ABCA1: variants seen among roughly 807,000 people sequenced by gnomAD.
ABCA1 encodes phospholipid-transporting ATPase ABCA1.
In ABCA1, 133 loss-of-function variants were observed where a neutral mutation model predicts 262.5. That is an observed-to-expected ratio of 0.51 (90% CI 0.44 to 0.59). ABCA1 has a LOEUF of 0.59. Among genes scored for constraint, ABCA1 ranks in the 20% least tolerant of loss-of-function variants. ABCA1 has a pLI of 0.00. For synonymous variants in ABCA1, 1,022 were observed against 1,043.5 expected (o/e 0.98, Z 0.40); for missense variants, 2,452 against 2,777.5 (o/e 0.88, Z 2.63).
chr9:104,885,600 C>T (rs1839099212), intron 3 of ABCA1, among the ~76,000 whole-genome samples: 1 of 152,162 alleles, frequency 6.6e-6, no homozygotes, highest in Non-Finnish European at 1.5e-5. Flanking sequence ...TCTTGCTCTC[C>T]TCTTTCTTTC....
At chr9:104,894,614 T>C (rs1184045623) in intron 2 of ABCA1, among the ~76,000 whole-genome samples, 4 of 152,210 alleles carry the variant, frequency 2.6e-5, no homozygotes, top group Admixed American at 6.5e-5. Flanking sequence ...TGGTCCAAGA[T>C]TGGCAAATGG....
intron 14 of ABCA1, among the ~76,000 whole-genome samples, chr9:104,829,513 G>A (rs868304403): frequency 2.9e-4 from 44 of 152,222 alleles, no homozygotes; most frequent in African/African-American, 8.7e-4. Flanking sequence ...CTTGCTTATC[G>A]TAACTCTAAT....
intron 30 of ABCA1, among the ~76,000 whole-genome samples, chr9:104,807,236 G>A (rs1830849164): frequency 6.6e-6 from 1 of 152,130 alleles, no homozygotes. Context: ...TCTCAAATGA[G>A]TAGAGAATTG....
In ABCA1 at chr9:104,884,413, G is replaced by C; in HGVS notation, c.302+14C>G. ...ACTGACAAGTTTGGAAAGAAAACCT[G>C]ATCTGATACTTACATGGATTTGTTA... On this transcript the variant is annotated intron_variant, in intron 4 of 49. Coordinates refer to ENST00000374736, the MANE Select transcript of ABCA1 (RefSeq NM_005502.4). The C allele has an allele frequency of 8.1e-6, 13 of 1,614,166 alleles. No homozygotes were observed. The highest frequency in any genetic ancestry group is 1.1e-5 in the Non-Finnish European group (13 of 1,180,012).
At chr9:104,784,746 C>A (rs889909098) in intron 49 of ABCA1, among the ~76,000 whole-genome samples, 8 of 152,182 alleles carry the variant, frequency 5.3e-5, no homozygotes, top group Non-Finnish European at 1.0e-4. Context: ...TGGGTTCGAG[C>A]AATTCTCCTG....
At chr9:104,839,090 G>A (rs796622215) in intron 9 of ABCA1, among the ~76,000 whole-genome samples, 5 of 152,298 alleles carry the variant, frequency 3.3e-5, no homozygotes, top group African/African-American at 1.2e-4. Flanking sequence ...AGGTTCCCCT[G>A]CATCAAGTTT....
At chr9:104,925,361 G>C (rs891303141) in intron 1 of ABCA1, among the ~76,000 whole-genome samples, 3 of 134,478 alleles carry the variant, frequency 2.2e-5, no homozygotes, top group Non-Finnish European at 4.8e-5. Context: ...GGGAAACAGA[G>C]CGAGACTGCA....
At chr9:104,905,422 C>G (rs918685176) in intron 1 of ABCA1, among the ~76,000 whole-genome samples, 8 of 152,154 alleles carry the variant, frequency 5.3e-5, no homozygotes, top group Admixed American at 4.6e-4. Context: ...GAAAAGACAG[C>G]CTACCACTAT....
Position 104,821,386 on chromosome 9 carries a change from CACGTT to C in ABCA1, c.2944_2948del (p.Asn982AlafsTer3). 6.2e-7 allele frequency: 1 copy of C among 1,614,128 alleles called. No individual in the cohort carries two copies. Among genetic ancestry groups the C allele is most frequent in the Non-Finnish European group, 8.5e-7 (1 of 1,180,044 alleles). On this transcript the variant is annotated frameshift_variant, in exon 20 of 50. Coordinates refer to ENST00000374736, the MANE Select transcript of ABCA1 (RefSeq NM_005502.4). LOFTEE classifies it high-confidence loss of function. ...CTGCTGGTACTCACATGTCAAACAG[CACGTT>C]ATGCTGGGGACAGACCCCCAGGTTC... is the stretch of plus-strand genomic sequence containing the variant.
At position 104,814,574 on chromosome 9, in the gene ABCA1, G is replaced by A. The variant is rs199786265; in HGVS notation, c.3739-99C>T. The A allele has an allele frequency of 4.6e-5, 55 of 1,196,580 alleles. No individual in the cohort carries two copies. The East Asian group carries it at 1.1e-3, about 24-fold the overall frequency. The allele number at this position is 1,196,580 out of a possible 1,614,324, so 74.1% of individuals were successfully genotyped here. On this transcript the variant is annotated intron_variant, in intron 25 of 49. Transcript: ENST00000374736. Reference sequence around the variant, plus strand: ...TATTACTGAGTGGCATGTTAGCCCCGTAAGACAGAGAAAGTAGAAGCCACA... The same window carrying A: ...TATTACTGAGTGGCATGTTAGCCCCATAAGACAGAGAAAGTAGAAGCCACA...
chr9:104,896,732 T>A lies in ABCA1; in HGVS notation c.66+6882A>T, dbSNP rs865987360. ...ACATCTTTTTTTTTTTTTTTTTTTT[T>A]TTTTTTTTTTTTTTTTCAGACAGAG... On this transcript the variant is annotated intron_variant, in intron 2 of 49. Coordinates refer to ENST00000374736, the MANE Select transcript of ABCA1 (RefSeq NM_005502.4). Among the ~76,000 whole-genome samples, 1,176 of 125,822 alleles carry A rather than the reference T, an allele frequency of 9.3e-3. 40 individuals are homozygous for A. The highest frequency in any genetic ancestry group is 0.035 in the African/African-American group (1,114 of 32,276). 82.5% of individuals were successfully genotyped at this position (125,822 alleles called of 152,430 possible). A position where few individuals can be genotyped will look rare whatever the true frequency, so the allele number is the denominator to read the frequency against.
chr9:104,831,220 TC>T, intron 13 of ABCA1, 119 bp from the exon 14 acceptor site: 2 of 995,182 alleles, frequency 2.0e-6, no homozygotes, highest in Non-Finnish European at 1.4e-6. Context: ...TATTTTTGTA[TC>T]TTTTTTTTTT....
chr9:104,869,277 C>T (rs1247694447), intron 5 of ABCA1, among the ~76,000 whole-genome samples: 1 of 151,994 alleles, frequency 6.6e-6, no homozygotes, highest in African/African-American at 2.4e-5. Flanking sequence ...ACATCAGCAT[C>T]CCAGGCCCAG....
chr9:104,802,169 C>G lies in ABCA1; in HGVS notation c.4593-10G>C. The G allele has an allele frequency of 1.9e-6, 3 of 1,612,740 alleles. No individual in the cohort carries two copies. Among genetic ancestry groups the G allele is most frequent in the Non-Finnish European group, 1.7e-6 (2 of 1,178,722 alleles). ...GGAAAAGCCGCCATACCTAAAAGAA[C>G]AGCCTGACATTAAAACCCAGACAGT... On this transcript the variant is annotated splice_polypyrimidine_tract_variant and intron_variant, in intron 33 of 49. Transcript: ENST00000374736.
intron 9 of ABCA1, among the ~76,000 whole-genome samples, chr9:104,838,347 C>A (rs1174091125): frequency 1.3e-5 from 2 of 149,038 alleles, no homozygotes; most frequent in Non-Finnish European, 3.0e-5. Flanking sequence ...CAGTGGTTCA[C>A]GCCTGTAATC....
intron 34 of ABCA1, among the ~76,000 whole-genome samples, chr9:104,801,395 T>C (rs1830323545): frequency 1.5e-5 from 2 of 130,848 alleles, no homozygotes; most frequent in African/African-American, 6.7e-5. Flanking sequence ...AATTTTTCTA[T>C]GTTTTTAGCA....
intron 37 of ABCA1, 109 bp from the exon 38 acceptor site, chr9:104,796,533 A>T: frequency 2.5e-6 from 2 of 813,388 alleles, no homozygotes; most frequent in Admixed American, 4.0e-5. Context: ...CATATTGGAG[A>T]GTAACTCTGA....
chr9:104,825,924 G>A, intron 16 of ABCA1, 37 bp from the exon 17 acceptor site: 3 of 1,606,192 alleles, frequency 1.9e-6, no homozygotes, highest in South Asian at 2.2e-5. Flanking sequence ...TCCATTTCCT[G>A]GTCAGTCTCA....
chr9:104,805,462 G>A (rs527258420), intron 31 of ABCA1, among the ~76,000 whole-genome samples: 1 of 152,142 alleles, frequency 6.6e-6, no homozygotes, highest in South Asian at 2.1e-4. Context: ...CTGCAATTTG[G>A]TTGCTGATAA....
Sources: allele counts gnomAD v4.1 joint callset (sites outside exome capture counted in the v4.1 genomes callset), GRCh38; gene constraint gnomAD v4.1.1; transcripts MANE v1.5; gene names NCBI Gene and HGNC (gene_info 2026-07-23, HGNC 2026-07-21).